UST: variants seen among roughly 807,000 people sequenced by gnomAD.
The protein encoded by UST is chondroitin sulfate 2-O-sulfotransferase.
A neutral mutation model predicts 45.6 loss-of-function variants in UST; 21 were observed. The ratio of observed to expected loss-of-function variants is 0.46; its 90% CI spans 0.33 to 0.66. The LOEUF (loss-of-function observed/expected upper bound fraction) is 0.66. Ranked by LOEUF, UST falls within the 30% of genes least tolerant of loss-of-function variation. The pLI, the probability that UST is intolerant of heterozygous loss-of-function variation, is 0.02. For missense variants in UST, 463 were observed against 512.4 expected (o/e 0.90, Z 0.93); for synonymous variants, 215 against 200.6 (o/e 1.07, Z -0.61).
intron 1 of UST, among the ~76,000 whole-genome samples, chr6:148,792,573 A>G (rs927334275): frequency 4.6e-5 from 7 of 152,236 alleles, no homozygotes; most frequent in African/African-American, 1.7e-4. Flanking sequence ...TTGTGGCTCA[A>G]GGATGTTGTC....
chr6:148,951,785 G>A (rs181505784), intron 3 of UST, among the ~76,000 whole-genome samples: 7 of 152,274 alleles, frequency 4.6e-5, no homozygotes, highest in Admixed American at 2.0e-4. Flanking sequence ...CAATAAACAC[G>A]AGCATTAGTA....
chr6:148,948,144 G>A (rs1002211818), intron 3 of UST, among the ~76,000 whole-genome samples: 14 of 152,150 alleles, frequency 9.2e-5, no homozygotes, highest in African/African-American at 2.9e-4. Flanking sequence ...GCTTACAAGG[G>A]CTACCCCATA....
At chr6:149,004,304 A>AT (rs1382579947) in intron 5 of UST, among the ~76,000 whole-genome samples, 1 of 152,134 alleles carries the variant, frequency 6.6e-6, no homozygotes, top group Non-Finnish European at 1.5e-5. Flanking sequence ...GTTTTCTCAC[A>AT]TTTTTGTTTT....
chr6:149,069,845 C>T (rs1776793819), intron 7 of UST, among the ~76,000 whole-genome samples: 1 of 152,220 alleles, frequency 6.6e-6, no homozygotes, highest in African/African-American at 2.4e-5. Context: ...CAACATTTTG[C>T]AAGTGATTGA....
At chr6:148,915,074 C>G (rs576402983) in intron 2 of UST, among the ~76,000 whole-genome samples, 3 of 152,016 alleles carry the variant, frequency 2.0e-5, no homozygotes. Flanking sequence ...TTTATAAGAG[C>G]ACTAATCCCG....
chr6:148,941,162 T>C, intron 2 of UST, 117 bp from the exon 3 acceptor site: 5 of 1,163,338 alleles, frequency 4.3e-6, no homozygotes, highest in Non-Finnish European at 6.3e-6. Flanking sequence ...AATCTGATTA[T>C]AGGCCTTTTT....
chr6:148,922,301 A>G (rs1441936728), intron 2 of UST, among the ~76,000 whole-genome samples: 5 of 151,382 alleles, frequency 3.3e-5, no homozygotes, highest in East Asian at 3.9e-4. Flanking sequence ...GCCTGTCTCT[A>G]TGATTTTGCC....
chr6:148,958,611 T>C (rs1314125301), intron 4 of UST, among the ~76,000 whole-genome samples: 1 of 152,212 alleles, frequency 6.6e-6, no homozygotes, highest in Non-Finnish European at 1.5e-5. Flanking sequence ...TAAGAAGCAG[T>C]TTCTGAAAAA....
chr6:148,977,940 G>C (rs1053604714), intron 5 of UST, among the ~76,000 whole-genome samples: 1 of 151,992 alleles, frequency 6.6e-6, no homozygotes, highest in Non-Finnish European at 1.5e-5. Flanking sequence ...CATTTGCTCA[G>C]AACTTCTGTT....
intron 1 of UST, among the ~76,000 whole-genome samples, chr6:148,818,163 T>G (rs1161906023): frequency 6.7e-6 from 1 of 150,080 alleles, no homozygotes. Context: ...TATGATAAAA[T>G]GAGCTAGAAT....
intron 2 of UST, among the ~76,000 whole-genome samples, chr6:148,922,611 C>T (rs1224544143): frequency 6.8e-6 from 1 of 146,442 alleles, no homozygotes; most frequent in East Asian, 2.0e-4. Flanking sequence ...GCCTCAGCCT[C>T]CTCAGTACCT....
intron 5 of UST, chr6:148,990,237 T>C (rs1781322168): frequency 5.6e-6 from 1 of 178,736 alleles, no homozygotes; most frequent in Non-Finnish European, 1.1e-5. Context: ...GGCAGGTTTA[T>C]GGTAGCTTTT....
chr6:148,949,342 C>T lies in UST; in HGVS notation c.448-4530C>T, dbSNP rs973891939. Among the ~76,000 whole-genome samples, 7 of 145,758 alleles carry T rather than the reference C, an allele frequency of 4.8e-5. No individual in the cohort carries two copies. In the East Asian group the frequency reaches 5.9e-4, roughly 12 times the overall value. ...AATAATAATAATAATAATACTTATCCGTGGGTTTCTTGTCCACTGCACTCC... is the reference window on the plus strand; with the variant it reads ...AATAATAATAATAATAATACTTATCTGTGGGTTTCTTGTCCACTGCACTCC... On this transcript the variant is annotated intron_variant, in intron 3 of 7. Coordinates refer to ENST00000367463, the MANE Select transcript of UST (RefSeq NM_005715.3).
intron 7 of UST, among the ~76,000 whole-genome samples, chr6:149,072,634 C>G (rs1052021060): frequency 7.5e-6 from 1 of 133,462 alleles, no homozygotes; most frequent in African/African-American, 2.9e-5. Flanking sequence ...GCCTGGACAA[C>G]AAGAGCAAAA....
At chr6:148,983,279 G>C (rs1025917299) in intron 5 of UST, among the ~76,000 whole-genome samples, 1 of 152,150 alleles carries the variant, frequency 6.6e-6, no homozygotes, top group Non-Finnish European at 1.5e-5. Flanking sequence ...GCGGCTCTTG[G>C]AATGGAGTCT....
At chr6:149,049,376 A>C (rs1039579029) in intron 7 of UST, among the ~76,000 whole-genome samples, 3 of 152,226 alleles carry the variant, frequency 2.0e-5, no homozygotes, top group African/African-American at 7.2e-5. Context: ...AGTAAATCGT[A>C]TTTACAATAT....
intron 3 of UST, among the ~76,000 whole-genome samples, chr6:148,949,060 G>A (rs1048273138): frequency 3.3e-5 from 5 of 152,058 alleles, no homozygotes; most frequent in Non-Finnish European, 5.9e-5. Context: ...GCAGGCCAAG[G>A]CGGGTGGATC....
intron 1 of UST, among the ~76,000 whole-genome samples, chr6:148,758,383 T>C (rs1268013094): frequency 6.6e-6 from 1 of 152,220 alleles, no homozygotes; most frequent in African/African-American, 2.4e-5. Context: ...TTTGAATTTA[T>C]CCACACTACT....
At chr6:148,784,763 A>G (rs540159620) in intron 1 of UST, among the ~76,000 whole-genome samples, 2 of 152,384 alleles carry the variant, frequency 1.3e-5, no homozygotes, top group African/African-American at 4.8e-5. Context: ...ATTCTGCCTC[A>G]AGTCAGGTAG....
Sources: allele counts gnomAD v4.1 joint callset (sites outside exome capture counted in the v4.1 genomes callset), GRCh38; gene constraint gnomAD v4.1.1; transcripts MANE v1.5; gene names NCBI Gene and HGNC (gene_info 2026-07-23, HGNC 2026-07-21).